The following DLGAP2 variants were observed in gnomAD, a reference collection of about 807,000 sequenced individuals.
The protein encoded by DLGAP2 is disks large-associated protein 2.
A neutral mutation model predicts 100.3 loss-of-function variants in DLGAP2; 26 were observed. The ratio of observed to expected loss-of-function variants is 0.26; its 90% CI spans 0.19 to 0.36. The LOEUF is 0.36. Ranked by LOEUF, DLGAP2 falls within the 10% of genes least tolerant of loss-of-function variation. DLGAP2 has a pLI of 1.00. For missense variants in DLGAP2, 1,858 were observed against 1,453.2 expected (o/e 1.28, Z -4.53); for synonymous variants, 886 against 630.1 (o/e 1.41, Z -6.08).
intron 8 of DLGAP2, among the ~76,000 whole-genome samples, chr8:1,649,726 A>G (rs1476914554): frequency 6.6e-6 from 1 of 152,258 alleles, no homozygotes; most frequent in Non-Finnish European, 1.5e-5. Flanking sequence ...GATTTATTTC[A>G]TCCTAACATA....
intron 9 of DLGAP2, among the ~76,000 whole-genome samples, chr8:1,669,097 G>T (rs1215864619): frequency 3.9e-5 from 6 of 152,188 alleles, no homozygotes; most frequent in African/African-American, 1.4e-4. Context: ...ATTGAGTGGG[G>T]AAACCAAAAG....
At chr8:1,369,963 C>G (rs911478969) in intron 3 of DLGAP2, 1 of 152,248 alleles carries the variant, frequency 6.6e-6, no homozygotes, top group Non-Finnish European at 1.5e-5. Context: ...GCCCTGAAAT[C>G]TCAGAGTGAT....
At chr8:858,475 G>A (rs918916311) in intron 1 of DLGAP2, among the ~76,000 whole-genome samples, 7 of 152,192 alleles carry the variant, frequency 4.6e-5, no homozygotes, top group African/African-American at 9.6e-5. Flanking sequence ...ACAGGGAAGC[G>A]CCTCTGTGTG....
intron 3 of DLGAP2, among the ~76,000 whole-genome samples, chr8:1,409,660 A>G (rs1379800104): frequency 6.6e-6 from 1 of 152,204 alleles, no homozygotes; most frequent in Non-Finnish European, 1.5e-5. Context: ...TGGAAGGACC[A>G]GCGTTTGAAT....
intron 4 of DLGAP2, among the ~76,000 whole-genome samples, chr8:1,545,342 T>C (rs1381848446): frequency 2.0e-5 from 3 of 152,188 alleles, no homozygotes; most frequent in Non-Finnish European, 4.4e-5. Flanking sequence ...ACTTACAATA[T>C]GCTATTTAGA....
chr8:1,291,923 C>G (rs2116971639), intron 3 of DLGAP2, among the ~76,000 whole-genome samples: 1 of 152,298 alleles, frequency 6.6e-6, no homozygotes, highest in Non-Finnish European at 1.5e-5. Flanking sequence ...AAAATGTTCA[C>G]TCTCAAAAGA....
chr8:1,138,667 C>G (rs188134025), intron 2 of DLGAP2, among the ~76,000 whole-genome samples: 1 of 152,252 alleles, frequency 6.6e-6, no homozygotes, highest in Non-Finnish European at 1.5e-5. Flanking sequence ...CCTCTCAGGT[C>G]TGCAAAAATA....
chr8:1,390,024 T>G (rs1199625724), intron 3 of DLGAP2, among the ~76,000 whole-genome samples: 1 of 152,146 alleles, frequency 6.6e-6, no homozygotes, highest in African/African-American at 2.4e-5. Context: ...TGGATGGATG[T>G]TGCCTGGAAA....
At chr8:1,481,519 C>T (rs1234491967) in intron 3 of DLGAP2, among the ~76,000 whole-genome samples, 1 of 99,716 alleles carries the variant, frequency 1.0e-5, no homozygotes, top group African/African-American at 3.7e-5. Flanking sequence ...GCTTTTGTCG[C>T]CCAGGCTGGA....
chr8:973,839 C>G (rs1166689895), intron 2 of DLGAP2, among the ~76,000 whole-genome samples: 1 of 125,736 alleles, frequency 8.0e-6, no homozygotes. Context: ...TCCGGGAGGT[C>G]GGGGCGGGCG....
chr8:972,776 G>T lies in DLGAP2; in HGVS notation c.73+64810G>T, dbSNP rs1461158762. ...GCAGAGGACCCTGCGGCCTTCCGCG[G>T]TGTTTGTGTCCCTGGGTACTTGAGA... On this transcript the variant is annotated intron_variant, in intron 2 of 14. Transcript: ENST00000637795. Among the ~76,000 whole-genome samples, 14 of 152,296 alleles carry T rather than the reference G, an allele frequency of 9.2e-5. No homozygotes were observed. In the East Asian group the frequency reaches 2.7e-3, roughly 29 times the overall value.
Position 838,402 on chromosome 8 carries a change from A to T in DLGAP2, c.19-69510A>T, listed in dbSNP as rs544588371. On this transcript the variant is annotated intron_variant, in intron 1 of 14. Transcript: ENST00000637795. ...GGCATCAGTATTTTATTTTTTTATT[A>T]TATTTTATTTTATTTTAATTTTATT... Among the ~76,000 whole-genome samples, 61 of 151,686 alleles carry T rather than the reference A, an allele frequency of 4.0e-4. 1 individual carries two copies. The South Asian group carries it at 0.012, about 31-fold the overall frequency.
chr8:1,074,239 C>G (rs1333071703), intron 2 of DLGAP2, among the ~76,000 whole-genome samples: 11 of 150,786 alleles, frequency 7.3e-5, no homozygotes, highest in Admixed American at 7.2e-4. Context: ...TCAGGATTCA[C>G]TGTAACAGAA....
chr8:1,118,100 C>T (rs1795936868), intron 2 of DLGAP2, among the ~76,000 whole-genome samples: 1 of 152,208 alleles, frequency 6.6e-6, no homozygotes, highest in Admixed American at 6.5e-5. Flanking sequence ...AAAAGCATTG[C>T]ATGTCAGTTG....
At chr8:868,484 G>A (rs1023451408) in intron 1 of DLGAP2, among the ~76,000 whole-genome samples, 3 of 152,204 alleles carry the variant, frequency 2.0e-5, no homozygotes, top group South Asian at 2.1e-4. Flanking sequence ...ACGGTGAGCC[G>A]TGCACTGTTT....
At chr8:1,042,038 T>A (rs566292377) in intron 2 of DLGAP2, among the ~76,000 whole-genome samples, 2 of 152,310 alleles carry the variant, frequency 1.3e-5, no homozygotes, top group South Asian at 2.1e-4. Context: ...CGACCTGATT[T>A]GCAGAGCAGA....
At position 1,429,980 on chromosome 8, in the gene DLGAP2, G is replaced by GCAGA. The variant is rs1414822107; in HGVS notation, c.107-71385_107-71382dup. On this transcript the variant is annotated intron_variant, in intron 3 of 14. Transcript: ENST00000637795. ...GAAAATATCATCCTGCAGAATGAAA[G>GCAGA]CAGAAGGGGAGAGATGCATATATAT... Among the ~76,000 whole-genome samples, 53 of 49,698 alleles carry GCAGA rather than the reference G, an allele frequency of 1.1e-3. 5 individuals carry two copies. Among genetic ancestry groups the GCAGA allele is most frequent in the African/African-American group, 3.1e-3 (52 of 16,958 alleles). 32.6% of individuals were successfully genotyped at this position (49,698 alleles called of 152,430 possible). A position where few individuals can be genotyped will look rare whatever the true frequency, so the allele number is the denominator to read the frequency against.
intron 3 of DLGAP2, among the ~76,000 whole-genome samples, chr8:1,461,038 C>T (rs1798456748): frequency 6.6e-6 from 1 of 152,062 alleles, no homozygotes; most frequent in African/African-American, 2.4e-5. Flanking sequence ...GGCACAGTCG[C>T]TGATTCAGTG....
intron 1 of DLGAP2, among the ~76,000 whole-genome samples, chr8:830,661 A>C (rs1231717334): frequency 1.3e-5 from 2 of 151,936 alleles, no homozygotes; most frequent in Admixed American, 6.6e-5. Context: ...TGGTGCATGC[A>C]TTGCATGGTC....
Sources: gnomAD v4.1 joint callset for allele counts (sites outside exome capture counted in the v4.1 genomes callset) on GRCh38, gnomAD v4.1.1 for gene constraint, MANE v1.5 for transcripts, NCBI Gene and HGNC (gene_info 2026-07-23, HGNC 2026-07-21) for gene names.